The following GALNTL6 variants were observed in gnomAD, a reference collection of about 807,000 sequenced individuals.
GALNTL6 encodes the protein polypeptide N-acetylgalactosaminyltransferase-like 6.
A neutral mutation model predicts 73.7 loss-of-function variants in GALNTL6; 46 were observed. The observed-to-expected ratio is 0.62, with a 90% CI of 0.49 to 0.80. The LOEUF is 0.80. Ranked by LOEUF, GALNTL6 falls within the 30% of genes least tolerant of loss-of-function variation. The pLI, the probability that GALNTL6 is intolerant of heterozygous loss-of-function variation, is 0.00. For missense variants in GALNTL6, 604 were observed against 755.0 expected, an observed-to-expected ratio of 0.80 and a Z score of 2.34; for synonymous variants, 259 against 263.7, an observed-to-expected ratio of 0.98 and a Z score of 0.17.
chr4:172,121,610 ATGAG>A (rs1733152522), intron 2 of GALNTL6, among the ~76,000 whole-genome samples: 1 of 152,158 alleles, frequency 6.6e-6, no homozygotes, highest in South Asian at 2.1e-4. Context: ...ACAGTAATTG[ATGAG>A]TAAGTCAGTG....
intron 2 of GALNTL6, among the ~76,000 whole-genome samples, chr4:171,822,020 C>T (rs1288031793): frequency 4.6e-5 from 7 of 151,796 alleles, no homozygotes; most frequent in Admixed American, 4.6e-4. Flanking sequence ...AGAAAAAAGG[C>T]AATATTTCTT....
intron 2 of GALNTL6, among the ~76,000 whole-genome samples, chr4:172,213,240 C>T (rs184087192): frequency 1.3e-5 from 2 of 152,224 alleles, no homozygotes; most frequent in Non-Finnish European, 2.9e-5. Flanking sequence ...AATAAAGCTG[C>T]TATAAACATT....
intron 3 of GALNTL6, among the ~76,000 whole-genome samples, chr4:172,262,412 AGTCT>A (rs1738288502): frequency 6.6e-6 from 1 of 151,312 alleles, no homozygotes; most frequent in South Asian, 2.1e-4. Flanking sequence ...ATTGCTTTAA[AGTCT>A]GTCTGTCTCA....
chr4:172,076,293 A>G (rs1057112900), intron 2 of GALNTL6, among the ~76,000 whole-genome samples: 2 of 152,222 alleles, frequency 1.3e-5, no homozygotes, highest in African/African-American at 4.8e-5. Context: ...TGCAATCTAC[A>G]TAATTAGAAA....
chr4:172,938,812 C>A (rs530170997), intron 9 of GALNTL6, among the ~76,000 whole-genome samples: 4 of 152,340 alleles, frequency 2.6e-5, no homozygotes, highest in African/African-American at 9.6e-5. Context: ...GATAGATCTT[C>A]CCTCAAAACT....
chr4:172,345,770 G>C (rs1441944490), intron 4 of GALNTL6, among the ~76,000 whole-genome samples: 1 of 152,168 alleles, frequency 6.6e-6, no homozygotes. Flanking sequence ...ATGTAGAGTG[G>C]TGCGGTTCAG....
chr4:171,892,270 G>C (rs946977464), intron 2 of GALNTL6, among the ~76,000 whole-genome samples: 7 of 152,168 alleles, frequency 4.6e-5, no homozygotes, highest in African/African-American at 1.7e-4. Context: ...TATTCAGCCT[G>C]TGTATGTGGT....
chr4:172,524,334 C>T (rs768285106), intron 5 of GALNTL6, among the ~76,000 whole-genome samples: 6 of 151,940 alleles, frequency 3.9e-5, no homozygotes, highest in African/African-American at 9.7e-5. Context: ...CCGCAACCTC[C>T]GCCTCCCTAG....
At chr4:172,473,105 A>C (rs1417753778) in intron 5 of GALNTL6, among the ~76,000 whole-genome samples, 1 of 152,140 alleles carries the variant, frequency 6.6e-6, no homozygotes, top group Non-Finnish European at 1.5e-5. Context: ...GCCTTTCCCC[A>C]CTACACCTAA....
At chr4:171,998,719 C>T (rs1046658054) in intron 2 of GALNTL6, among the ~76,000 whole-genome samples, 3 of 152,242 alleles carry the variant, frequency 2.0e-5, no homozygotes, top group South Asian at 2.1e-4. Flanking sequence ...CCTGCTAAAA[C>T]GCTTTTAACC....
intron 2 of GALNTL6, among the ~76,000 whole-genome samples, chr4:171,908,311 A>C (rs974919220): frequency 6.6e-6 from 1 of 152,084 alleles, no homozygotes; most frequent in African/African-American, 2.4e-5. Context: ...AAAAAAACAA[A>C]CAAACCCATC....
intron 5 of GALNTL6, among the ~76,000 whole-genome samples, chr4:172,439,329 C>T (rs1579072442): frequency 6.6e-6 from 1 of 151,994 alleles, no homozygotes; most frequent in Middle Eastern, 3.4e-3. Flanking sequence ...AACATAGTAC[C>T]TAATTCTCAC....
chr4:171,946,128 G>C (rs1477979249), intron 2 of GALNTL6, among the ~76,000 whole-genome samples: 2 of 152,100 alleles, frequency 1.3e-5, no homozygotes, highest in African/African-American at 4.8e-5. Flanking sequence ...AAAATTTGTA[G>C]TTCAAATAGA....
intron 5 of GALNTL6, among the ~76,000 whole-genome samples, chr4:172,698,274 C>T (rs1028616778): frequency 1.3e-5 from 2 of 152,090 alleles, no homozygotes; most frequent in Non-Finnish European, 2.9e-5. Context: ...TGCTTTCTCT[C>T]ATAGTACTAT....
chr4:172,085,400 A>G (rs17058028), intron 2 of GALNTL6, among the ~76,000 whole-genome samples: 7,089 of 152,182 alleles, frequency 0.047, 546 homozygotes, highest in African/African-American at 0.16. Flanking sequence ...AAAAATATGA[A>G]ATACATTACA....
intron 2 of GALNTL6, among the ~76,000 whole-genome samples, chr4:172,218,419 A>T (rs951782434): frequency 1.3e-5 from 2 of 152,126 alleles, no homozygotes; most frequent in Admixed American, 1.3e-4. Flanking sequence ...TGCTTAGTGT[A>T]CAATGGGGGC....
chr4:172,337,735 G>T (rs1741394818), intron 4 of GALNTL6, among the ~76,000 whole-genome samples: 1 of 146,988 alleles, frequency 6.8e-6, no homozygotes. Flanking sequence ...TGATCAGTCT[G>T]GTGATTATAT....
At chr4:171,855,529 A>T (rs1267945712) in intron 2 of GALNTL6, among the ~76,000 whole-genome samples, 2 of 152,216 alleles carry the variant, frequency 1.3e-5, no homozygotes, top group African/African-American at 2.4e-5. Context: ...CTATTGAAGG[A>T]CATCTTGGTT....
At chr4:172,077,969 G>A (rs973921487) in intron 2 of GALNTL6, among the ~76,000 whole-genome samples, 7 of 152,158 alleles carry the variant, frequency 4.6e-5, no homozygotes, top group African/African-American at 1.7e-4. Context: ...GACTAAAAGG[G>A]ACCAAGGTAC....
Sources: allele counts gnomAD v4.1 joint callset (sites outside exome capture counted in the v4.1 genomes callset), GRCh38; gene constraint gnomAD v4.1.1; transcripts MANE v1.5; gene names NCBI Gene and HGNC (gene_info 2026-07-23, HGNC 2026-07-21).